The following COL4A3 variants were observed in gnomAD, a reference collection of about 807,000 sequenced individuals.
The protein encoded by COL4A3 is collagen type IV alpha 3 chain.
Under a neutral mutation model 217.4 loss-of-function variants are expected in COL4A3, and 135 were observed. That is an observed-to-expected ratio of 0.62 (90% CI 0.54 to 0.72). COL4A3 has a LOEUF of 0.72. COL4A3 is among the 30% of genes least tolerant of loss of function. COL4A3 has a pLI of 0.00. For missense variants in COL4A3, 1,868 were observed against 2,119.9 expected, an observed-to-expected ratio of 0.88 and a Z score of 2.33; for synonymous variants, 690 against 736.3, an observed-to-expected ratio of 0.94 and a Z score of 1.02.
chr2:227,215,336 G>T (rs1031593262), intron 1 of COL4A3, among the ~76,000 whole-genome samples: 1 of 150,642 alleles, frequency 6.6e-6, no homozygotes, highest in African/African-American at 2.5e-5. Flanking sequence ...GCATATATAG[G>T]TTCTTACAAA....
intron 47 of COL4A3, among the ~76,000 whole-genome samples, chr2:227,306,518 T>C (rs1450756722): frequency 6.6e-6 from 1 of 152,082 alleles, no homozygotes; most frequent in East Asian, 1.9e-4. Context: ...GTCTCCCCAA[T>C]ATATTAAAAC....
intron 4 of COL4A3, 66 bp from the exon 5 acceptor site, chr2:227,244,885 T>C (rs2069231908): frequency 2.0e-6 from 3 of 1,467,858 alleles, no homozygotes; most frequent in East Asian, 2.3e-5. Flanking sequence ...TAAATTTATG[T>C]TTATAGATTG....
At chr2:227,311,204 A>AG (rs894376928) in intron 51 of COL4A3, among the ~76,000 whole-genome samples, 2 of 152,206 alleles carry the variant, frequency 1.3e-5, no homozygotes, top group Admixed American at 1.3e-4. Context: ...GATAATTTAA[A>AG]GGGTGGGAGT....
chr2:227,297,226 T>C (rs1005021851), intron 41 of COL4A3, among the ~76,000 whole-genome samples: 1 of 152,214 alleles, frequency 6.6e-6, no homozygotes, highest in Non-Finnish European at 1.5e-5. Flanking sequence ...TTTAGCTTCT[T>C]ATGCTCTAAT....
At chr2:227,272,460 C>T (rs989802256) in intron 25 of COL4A3, among the ~76,000 whole-genome samples, 8 of 152,152 alleles carry the variant, frequency 5.3e-5, no homozygotes, top group African/African-American at 1.7e-4. Context: ...TTTAAATCTA[C>T]AAATCATTTT....
At chr2:227,175,749 G>A (rs575835987) in intron 1 of COL4A3, among the ~76,000 whole-genome samples, 1 of 152,256 alleles carries the variant, frequency 6.6e-6, no homozygotes, top group African/African-American at 2.4e-5. Context: ...GCTGTCTATG[G>A]TATAATTTTA....
chr2:227,230,589 C>A (rs1312044057), intron 1 of COL4A3, among the ~76,000 whole-genome samples: 1 of 151,874 alleles, frequency 6.6e-6, no homozygotes, highest in Non-Finnish European at 1.5e-5. Context: ...ATTAAAGTAA[C>A]CATAGTGTTT....
chr2:227,288,956 T>TTG (rs2072509005), intron 34 of COL4A3, among the ~76,000 whole-genome samples, 194 bp from the exon 35 acceptor site: 1 of 150,230 alleles, frequency 6.7e-6, no homozygotes, highest in Non-Finnish European at 1.5e-5. Context: ...TTTGGGTTTT[T>TTG]TTTTTTTTTT....
chr2:227,203,181 ATGTGTG>A (rs1358454619), intron 1 of COL4A3, among the ~76,000 whole-genome samples: 1 of 24,534 alleles, frequency 4.1e-5, no homozygotes, highest in Admixed American at 5.1e-4. Context: ...ATATGTGTAT[ATGTGTG>A]TATATATACA....
intron 25 of COL4A3, among the ~76,000 whole-genome samples, chr2:227,271,215 A>G (rs1011138283): frequency 2.0e-5 from 3 of 152,186 alleles, no homozygotes; most frequent in African/African-American, 7.2e-5. Flanking sequence ...TTACAGTTCC[A>G]TATTTGTATC....
rs1247683938 is a variant in COL4A3 at position 227,249,230 on chromosome 2, A to ATTTTTTTTTTTTT, written c.546+721_546+733dup. On this transcript the variant is annotated intron_variant, in intron 9 of 51. Coordinates refer to ENST00000396578, the MANE Select transcript of COL4A3 (RefSeq NM_000091.5). Reference sequence around the variant, plus strand: ...TTAGCTAGTATATATATATATATATATTTTTTTTTTTTTTTTTTTTTTTGA... The same window carrying ATTTTTTTTTTTTT: ...TTAGCTAGTATATATATATATATATATTTTTTTTTTTTTTTTTTTTTTTTTTTTTTTTTTTTGA... 2.7e-4 allele frequency among the ~76,000 whole-genome samples: 4 copies of ATTTTTTTTTTTTT among 14,692 alleles called. 1 individual carries two copies. The highest frequency in any genetic ancestry group is 5.0e-4 in the Non-Finnish European group (4 of 8,024). The allele number at this position is 14,692 out of a possible 152,430, so 9.6% of individuals were successfully genotyped here.
Position 227,246,769 on chromosome 2 carries a change from G to C in COL4A3, c.441+31G>C, listed in dbSNP as rs376452150. On this transcript the variant is annotated intron_variant, in intron 7 of 51. Coordinates refer to ENST00000396578, the MANE Select transcript of COL4A3 (RefSeq NM_000091.5). ...TTTGCATGCCTAATTCCCCAACAAA[G>C]ACATAAAGTATAAATAACAGTGGTC... The C allele has an allele frequency of 3.8e-6, 6 of 1,571,122 alleles. No individual in the cohort carries two copies. In the African/African-American group the frequency reaches 4.0e-5, roughly 11 times the overall value.
At chr2:227,257,477 T>A in intron 17 of COL4A3, 126 bp from the exon 18 acceptor site, 1 of 803,992 alleles carries the variant, frequency 1.2e-6, no homozygotes, top group East Asian at 2.6e-5. Flanking sequence ...TCTCTTTAAC[T>A]TTAATTTGGT....
At chr2:227,274,238 A>AAAATAAATAAAT (rs57515255) in intron 26 of COL4A3, among the ~76,000 whole-genome samples, 3,481 of 143,796 alleles carry the variant, frequency 0.024, 72 homozygotes, top group African/African-American at 0.045. Context: ...TACTGTCTCA[A>AAAATAAATAAAT]AAATAAATAA....
chr2:227,272,642 G>T (rs1184208759), intron 25 of COL4A3, among the ~76,000 whole-genome samples: 1 of 152,128 alleles, frequency 6.6e-6, no homozygotes, highest in East Asian at 1.9e-4. Context: ...AAAGTCATTT[G>T]AACTATTGGT....
At chr2:227,213,901 CAAAAA>C (rs5839195) in intron 1 of COL4A3, among the ~76,000 whole-genome samples, 6 of 89,350 alleles carry the variant, frequency 6.7e-5, no homozygotes, top group Admixed American at 4.0e-4. Flanking sequence ...AACTCTGTCT[CAAAAA>C]AAAAAAAAAA....
intron 1 of COL4A3, among the ~76,000 whole-genome samples, chr2:227,219,177 T>A (rs1317564388): frequency 1.3e-5 from 2 of 152,020 alleles, no homozygotes. Flanking sequence ...TATTTTTTTT[T>A]TAAGTAGATA....
chr2:227,246,604 G>A (rs2069354610), intron 6 of COL4A3, 81 bp from the exon 7 acceptor site: 1 of 1,129,310 alleles, frequency 8.9e-7, no homozygotes, highest in African/African-American at 1.5e-5. Flanking sequence ...TTGCAAGGTT[G>A]GAAGCGAGAA....
chr2:227,192,353 A>G (rs2066274933), intron 1 of COL4A3, among the ~76,000 whole-genome samples: 2 of 152,208 alleles, frequency 1.3e-5, no homozygotes, highest in Non-Finnish European at 2.9e-5. Context: ...ATGCTTTGAA[A>G]TGTTAGATGT....
Sources: allele counts gnomAD v4.1 joint callset (sites outside exome capture counted in the v4.1 genomes callset), GRCh38; gene constraint gnomAD v4.1.1; transcripts MANE v1.5; gene names NCBI Gene and HGNC (gene_info 2026-07-23, HGNC 2026-07-21).